The following ATP6V0D2 variants were observed in gnomAD, a reference collection of about 807,000 sequenced individuals.
The protein encoded by ATP6V0D2 is V-type proton ATPase subunit d 2.
ATP6V0D2 carries 40 observed loss-of-function variants against 40.0 expected under a neutral mutation model. That is an observed-to-expected ratio of 1.00 (90% confidence interval 0.78 to 1.30). The LOEUF (loss-of-function observed/expected upper bound fraction) is 1.30, where lower values mean the gene tolerates loss of function less well. ATP6V0D2 is among the 50% of genes most tolerant of loss of function. The pLI, the probability that ATP6V0D2 is intolerant of heterozygous loss-of-function variation, is 0.00. For missense variants in ATP6V0D2, 470 were observed against 423.1 expected, an observed-to-expected ratio of 1.11 and a Z score of -0.97; for synonymous variants, 179 against 156.3, an observed-to-expected ratio of 1.15 and a Z score of -1.08.
chr8:86,144,201 A>G (rs1441781075), intron 5 of ATP6V0D2, among the ~76,000 whole-genome samples: 1 of 152,178 alleles, frequency 6.6e-6, no homozygotes, highest in Non-Finnish European at 1.5e-5. Context: ...TGCATGGGAG[A>G]TTCAGGGCAG....
chr8:86,122,962 GA>G (rs1818692659), intron 2 of ATP6V0D2, among the ~76,000 whole-genome samples: 1 of 152,164 alleles, frequency 6.6e-6, no homozygotes, highest in Non-Finnish European at 1.5e-5. Context: ...GTCACTACAG[GA>G]AGGCTTTCAG....
intron 2 of ATP6V0D2, among the ~76,000 whole-genome samples, chr8:86,138,423 C>T (rs1254124718): frequency 6.6e-6 from 1 of 152,116 alleles, no homozygotes; most frequent in Non-Finnish European, 1.5e-5. Flanking sequence ...AAGCTGTATT[C>T]TTTGTAAAGG....
At chr8:86,142,986 A>C (rs1404727517) in intron 5 of ATP6V0D2, 32 bp downstream of exon 5, 4 of 1,447,998 alleles carry the variant, frequency 2.8e-6, no homozygotes, top group Non-Finnish European at 9.6e-7. Context: ...TTGTTATGCT[A>C]AATAAGGTGC....
intron 2 of ATP6V0D2, among the ~76,000 whole-genome samples, chr8:86,118,085 C>CT (rs1222811419): frequency 0.093 from 2,551 of 27,574 alleles, 128 homozygotes; most frequent in African/African-American, 0.17. Flanking sequence ...TTCTTTCTTT[C>CT]TTTTTTTTTT....
rs1222609390 is a variant in ATP6V0D2, at chr8:86,142,733, C to A, written c.562-144C>A. Reference sequence around the variant, plus strand: ...CATGCTGCAATGTGAAAGCTTCTACCAAATTTATTATAAAATATCTTCCTA... The same window carrying A: ...CATGCTGCAATGTGAAAGCTTCTACAAAATTTATTATAAAATATCTTCCTA... On this transcript the variant is annotated intron_variant, in intron 4 of 7. Coordinates refer to ENST00000285393, the MANE Select transcript of ATP6V0D2 (RefSeq NM_152565.1). 16 of 511,050 alleles carry A rather than the reference C, an allele frequency of 3.1e-5. No individual in the cohort carries two copies. In the East Asian group the frequency reaches 5.0e-4, roughly 16 times the overall value. 31.7% of individuals were successfully genotyped at this position (511,050 alleles called of 1,614,324 possible).
chr8:86,136,790 T>A (rs1332987193), intron 2 of ATP6V0D2, among the ~76,000 whole-genome samples: 1 of 152,116 alleles, frequency 6.6e-6, no homozygotes, highest in Non-Finnish European at 1.5e-5. Flanking sequence ...CTGGTGACAA[T>A]GTTTCTACGT....
At chr8:86,113,915 T>A (rs1282686285) in intron 2 of ATP6V0D2, 35 bp downstream of exon 2, 1 of 1,577,598 alleles carries the variant, frequency 6.3e-7, no homozygotes, top group Admixed American at 1.8e-5. Context: ...TAAGCCCCAA[T>A]GTACTCGTGC....
At chr8:86,135,457 G>A (rs1250776341) in intron 2 of ATP6V0D2, among the ~76,000 whole-genome samples, 1 of 152,092 alleles carries the variant, frequency 6.6e-6, no homozygotes, top group Non-Finnish European at 1.5e-5. Context: ...TTGATTTTAG[G>A]GACCCAACTC....
intron 2 of ATP6V0D2, among the ~76,000 whole-genome samples, chr8:86,115,041 G>C (rs750928386): frequency 1.3e-5 from 2 of 152,164 alleles, no homozygotes; most frequent in Non-Finnish European, 2.9e-5. Context: ...ACTGTGCTCA[G>C]TACTAGAAGT....
In ATP6V0D2 at chr8:86,113,690, G is replaced by A. The variant is rs1470556724; in HGVS notation, c.131-19G>A. ...TATGTTCAAAATTTAACCTGAATTGGGGTTTCATTTAATTTCAGACCTGAA... is the reference window on the plus strand; with the variant it reads ...TATGTTCAAAATTTAACCTGAATTGAGGTTTCATTTAATTTCAGACCTGAA... On this transcript the variant is annotated intron_variant, in intron 1 of 7. Coordinates refer to ENST00000285393, the MANE Select transcript of ATP6V0D2 (RefSeq NM_152565.1). The A allele has an allele frequency of 6.3e-7, 1 of 1,576,688 alleles. No homozygotes were observed. Among genetic ancestry groups the A allele is most frequent in the South Asian group, 1.2e-5 (1 of 84,948 alleles).
chr8:86,128,853 T>C (rs1015220317), intron 2 of ATP6V0D2, among the ~76,000 whole-genome samples: 1 of 152,226 alleles, frequency 6.6e-6, no homozygotes, highest in Non-Finnish European at 1.5e-5. Flanking sequence ...CTCAGCTTCT[T>C]GTCTTCACAC....
At chr8:86,107,043 A>AT (rs1416486291) in intron 1 of ATP6V0D2, among the ~76,000 whole-genome samples, 1 of 151,612 alleles carries the variant, frequency 6.6e-6, no homozygotes, top group East Asian at 1.9e-4. Flanking sequence ...CTAAAAAAAA[A>AT]ATGACACCAT....
At chr8:86,103,660 G>A (rs1279294550) in intron 1 of ATP6V0D2, among the ~76,000 whole-genome samples, 1 of 152,044 alleles carries the variant, frequency 6.6e-6, no homozygotes, top group African/African-American at 2.4e-5. Context: ...GATCCTACCT[G>A]GAGAATAAAA....
chr8:86,127,678 C>T (rs1216914405), intron 2 of ATP6V0D2, among the ~76,000 whole-genome samples: 1 of 152,162 alleles, frequency 6.6e-6, no homozygotes, highest in East Asian at 1.9e-4. Context: ...CCTGCCTTGG[C>T]TTCCCAAAGT....
At chr8:86,139,983 CA>C (rs959904259) in intron 3 of ATP6V0D2, among the ~76,000 whole-genome samples, 28 of 151,764 alleles carry the variant, frequency 1.8e-4, no homozygotes, top group Non-Finnish European at 3.4e-4. Flanking sequence ...TGTCATTCTT[CA>C]AAAAAAATGT....
intron 1 of ATP6V0D2, among the ~76,000 whole-genome samples, chr8:86,100,397 T>C (rs1200953230): frequency 6.6e-6 from 1 of 152,106 alleles, no homozygotes; most frequent in African/African-American, 2.4e-5. Flanking sequence ...TAAAGCCTCC[T>C]AGGAAGGGTA....
In ATP6V0D2 at chr8:86,119,886, G is replaced by A. The variant is rs35340516; in HGVS notation, c.302+6006G>A. Among the ~76,000 whole-genome samples the A allele has an allele frequency of 8.9e-3, 1,353 of 152,182 alleles. 9 individuals carry two copies. The highest frequency in any genetic ancestry group is 0.014 in the Non-Finnish European group (965 of 68,012). On this transcript the variant is annotated intron_variant, in intron 2 of 7. Transcript: ENST00000285393. ...CTGTCTGGACTCCCTATTACCTAATGGGCATTGAATATTTGTTGAATCAAT... is the reference window on the plus strand; with the variant it reads ...CTGTCTGGACTCCCTATTACCTAATAGGCATTGAATATTTGTTGAATCAAT...
chr8:86,151,483 T>A lies in ATP6V0D2; in HGVS notation c.834T>A (p.Phe278Leu). The change falls in exon 7 of 8, where the codon TTT becomes TTA. Residue 278 changes from phenylalanine (F) to leucine (L), a missense_variant. Coordinates refer to ENST00000285393, the MANE Select transcript of ATP6V0D2 (RefSeq NM_152565.1). ...TTTTTAAGGTATACAAACCTTTATTTGAAGCTGTAGGTGGCAGTGGGGGAA... is the reference window on the plus strand; with the variant it reads ...TTTTTAAGGTATACAAACCTTTATTAGAAGCTGTAGGTGGCAGTGGGGGAA... ...ADHYGVYKPL[F>L]EAVGGSGGKT... 6.2e-7 allele frequency: 1 copy of A among 1,605,684 alleles called. No individual in the cohort carries two copies. Among genetic ancestry groups the A allele is most frequent in the Non-Finnish European group, 8.5e-7 (1 of 1,176,388 alleles).
chr8:86,101,696 T>C (rs1362143772), intron 1 of ATP6V0D2, among the ~76,000 whole-genome samples: 1 of 151,950 alleles, frequency 6.6e-6, no homozygotes, highest in East Asian at 1.9e-4. Flanking sequence ...AAGGTTTCAA[T>C]CCCTCTCAAA....
Sources: gnomAD v4.1 joint callset for allele counts (sites outside exome capture counted in the v4.1 genomes callset) on GRCh38, gnomAD v4.1.1 for gene constraint, MANE v1.5 for transcripts, NCBI Gene and HGNC (gene_info 2026-07-23, HGNC 2026-07-21) for gene names.